SACS: variants seen among roughly 807,000 people sequenced by gnomAD.
SACS encodes sacsin.
SACS carries 197 observed loss-of-function variants against 348.0 expected under a neutral mutation model. The ratio of observed to expected loss-of-function variants is 0.57; its 90% CI spans 0.50 to 0.64. SACS has a LOEUF of 0.64. SACS is among the 30% of genes least tolerant of loss of function. SACS has a pLI of 0.00. For synonymous variants in SACS, 1,985 were observed against 1,910.6 expected, an observed-to-expected ratio of 1.04 and a Z score of -1.02; for missense variants, 4,999 against 5,360.8, an observed-to-expected ratio of 0.93 and a Z score of 2.11.
chr13:23,333,978 C>CA lies in SACS; in HGVS notation c.9897dup (p.Val3300CysfsTer19). 2 of 1,613,874 alleles carry CA rather than the reference C, an allele frequency of 1.2e-6. No homozygotes were observed. Among genetic ancestry groups the CA allele is most frequent in the Non-Finnish European group, 1.7e-6 (2 of 1,179,844 alleles). On this transcript the variant is annotated frameshift_variant, in exon 10 of 10. Coordinates refer to ENST00000382292, the MANE Select transcript of SACS (RefSeq NM_014363.6). LOFTEE classifies it high-confidence loss of function. ...TGCATAAGGCTGAGAGGAAGCAGAA[C>CA]ATCTCCTTCAGGAACCACAAGCTGG...
chr13:23,425,215 T>C (rs1386418431), intron 1 of SACS, among the ~76,000 whole-genome samples: 1 of 151,826 alleles, frequency 6.6e-6, no homozygotes, highest in African/African-American at 2.4e-5. Context: ...GGACTAGACA[T>C]CCACTTGGGG....
At position 23,409,297 on chromosome 13, in the gene SACS, C is replaced by T. The variant is rs539844432; in HGVS notation, c.20+1923G>A. Among the ~76,000 whole-genome samples the T allele has an allele frequency of 1.6e-4, 24 of 146,920 alleles. No homozygotes were observed. The South Asian group carries it at 2.6e-3, about 16-fold the overall frequency. On this transcript the variant is annotated intron_variant, in intron 2 of 9. Transcript: ENST00000382292. ...GTTTCGATCTCCTGACCTCATGATC[C>T]GCCCGCCTCGGCCTCCCAAAGTGCT...
intron 2 of SACS, among the ~76,000 whole-genome samples, chr13:23,402,103 G>A (rs1873001683): frequency 6.6e-6 from 1 of 151,892 alleles, no homozygotes; most frequent in Admixed American, 6.6e-5. Flanking sequence ...GCATGAACCT[G>A]GAAGGCGGAG....
At chr13:23,384,412 C>A (rs141535286) in intron 2 of SACS, among the ~76,000 whole-genome samples, 5 of 152,362 alleles carry the variant, frequency 3.3e-5, no homozygotes, top group Non-Finnish European at 7.3e-5. Context: ...ACATGTGTGG[C>A]TTGTCATGAC....
In SACS at chr13:23,333,557, T is replaced by C; in HGVS notation, c.10319A>G (p.Glu3440Gly). The C allele has an allele frequency of 6.2e-7, 1 of 1,613,682 alleles. No individual in the cohort carries two copies. Among genetic ancestry groups the C allele is most frequent in the Non-Finnish European group, 8.5e-7 (1 of 1,179,708 alleles). Reference sequence around the variant, plus strand: ...TGATGACTGTGTCCATTTCTCCACTTCAGCTGAAGGGATACTTTTTGTAAG... The same window carrying C: ...TGATGACTGTGTCCATTTCTCCACTCCAGCTGAAGGGATACTTTTTGTAAG... ...YVLTKSIPSA[E>G]VEKWTQSSSS... Residue 3440 changes from glutamate (E) to glycine (G), a missense_variant, in exon 10 of 10, where the codon GAA becomes GGA. Physicochemically the swap from Glu to Gly is moderately conservative, Grantham distance 98 (BLOSUM62 -2). Coordinates refer to ENST00000382292, the MANE Select transcript of SACS (RefSeq NM_014363.6).
intron 2 of SACS, among the ~76,000 whole-genome samples, chr13:23,381,616 CAGAT>C (rs1566094928): frequency 6.6e-6 from 1 of 152,156 alleles, no homozygotes; most frequent in Non-Finnish European, 1.5e-5. Context: ...GGTGCTGTCT[CAGAT>C]AGAATCCCTA....
intron 2 of SACS, among the ~76,000 whole-genome samples, chr13:23,410,487 T>C (rs1873434770): frequency 6.6e-6 from 1 of 152,050 alleles, no homozygotes; most frequent in South Asian, 2.1e-4. Context: ...GAAAGCCAAA[T>C]ATCAAGACGT....
intron 1 of SACS, among the ~76,000 whole-genome samples, chr13:23,415,788 T>G (rs997391238): frequency 6.6e-6 from 1 of 152,150 alleles, no homozygotes; most frequent in African/African-American, 2.4e-5. Flanking sequence ...GAGAATAACT[T>G]TAAAGATAAA....
Position 23,334,003 on chromosome 13 carries a change from GT to G in SACS, c.9872del (p.Asn3291ThrfsTer34), listed in dbSNP as rs1781881325. On this transcript the variant is annotated frameshift_variant, in exon 10 of 10. Transcript: ENST00000382292. LOFTEE classifies it high-confidence loss of function. Reference sequence around the variant, plus strand: ...CATCTCCTTCAGGAACCACAAGCTGGTTGGCTGAAACAGTAAACTTTGTTCC... The same window carrying G: ...CATCTCCTTCAGGAACCACAAGCTGGTGGCTGAAACAGTAAACTTTGTTCC... Reference protein sequence around the residue: ...LPGTKFTVSANQLVVPEGDVL... With the variant: ...LPGTKFTVSAXQLVVPEGDVL... 1 of 1,613,756 alleles carries G rather than the reference GT, an allele frequency of 6.2e-7. No individual in the cohort carries two copies. Among genetic ancestry groups the G allele is most frequent in the African/African-American group, 1.3e-5 (1 of 74,908 alleles).
intron 2 of SACS, among the ~76,000 whole-genome samples, chr13:23,396,221 G>A (rs1593171506): frequency 6.6e-6 from 1 of 151,914 alleles, no homozygotes; most frequent in Non-Finnish European, 1.5e-5. Flanking sequence ...CTACTTGGGA[G>A]GCCGAGGCAG....
chr13:23,397,326 C>A (rs957231728), intron 2 of SACS, among the ~76,000 whole-genome samples: 6 of 151,986 alleles, frequency 3.9e-5, no homozygotes, highest in Non-Finnish European at 5.9e-5. Flanking sequence ...GAGAAAGAAA[C>A]AAATATAGGA....
chr13:23,387,190 T>A (rs1356554826), intron 2 of SACS, among the ~76,000 whole-genome samples: 1 of 151,956 alleles, frequency 6.6e-6, no homozygotes, highest in African/African-American at 2.4e-5. Context: ...CCGGGCGCGG[T>A]GGCTCACGCC....
Position 23,429,946 on chromosome 13 carries a change from G to A in SACS, c.-502+3669C>T, listed in dbSNP as rs561495070. On this transcript the variant is annotated intron_variant, in intron 1 of 9. Transcript: ENST00000382292. ...TTAATATAATATTGGCTGGGCTCACGCCTGTAATCCCAGCACTTTGGGAGG... is the reference window on the plus strand; with the variant it reads ...TTAATATAATATTGGCTGGGCTCACACCTGTAATCCCAGCACTTTGGGAGG... 3.4e-3 allele frequency among the ~76,000 whole-genome samples: 517 copies of A among 152,072 alleles called. 1 individual carries two copies. The highest frequency in any genetic ancestry group is 5.4e-3 in the Non-Finnish European group (364 of 67,990).
At chr13:23,352,901 A>T (rs1566078079) in intron 9 of SACS, among the ~76,000 whole-genome samples, 1 of 152,202 alleles carries the variant, frequency 6.6e-6, no homozygotes, top group East Asian at 1.9e-4. Context: ...CATTTCACTT[A>T]TATTTTAATG....
At chr13:23,378,056 T>C (rs1481652503) in intron 2 of SACS, among the ~76,000 whole-genome samples, 1 of 152,236 alleles carries the variant, frequency 6.6e-6, no homozygotes, top group Non-Finnish European at 1.5e-5. Flanking sequence ...AATGAGGTCA[T>C]GTTTCTGAGT....
Position 23,403,054 on chromosome 13 carries a change from C to T in SACS, c.20+8166G>A, listed in dbSNP as rs953396977. 5.9e-5 allele frequency among the ~76,000 whole-genome samples: 9 copies of T among 151,918 alleles called. No individual in the cohort carries two copies. The East Asian group carries it at 1.4e-3, about 23-fold the overall frequency. ...TTAGCTGGGCGTGGTGGCAGATGCC[C>T]GTAATCCCAGCTACTCGGGAGGCTG... On this transcript the variant is annotated intron_variant, in intron 2 of 9. Transcript: ENST00000382292.
chr13:23,345,178 G>A (rs1028997637), intron 9 of SACS, among the ~76,000 whole-genome samples: 4 of 152,202 alleles, frequency 2.6e-5, no homozygotes, highest in Admixed American at 6.5e-5. Flanking sequence ...TAGCTGATGA[G>A]TTCTAACAAT....
intron 2 of SACS, among the ~76,000 whole-genome samples, chr13:23,387,036 A>G (rs1872316211): frequency 6.6e-6 from 1 of 152,210 alleles, no homozygotes; most frequent in African/African-American, 2.4e-5. Flanking sequence ...AATAACAATG[A>G]AAATGTTTAA....
rs771303381 is a variant in SACS at position 23,355,578 on chromosome 13, C to T, written c.1034G>A (p.Arg345Gln). The change falls in exon 8 of 10, where the codon CGG becomes CAG. Residue 345 changes from arginine to glutamine, a missense_variant. Around this residue, in one of 6 missense-constraint regions of SACS, gnomAD observed 3,156 missense variants for 3,380.1 expected, o/e 0.93. Coordinates refer to ENST00000382292, the MANE Select transcript of SACS (RefSeq NM_014363.6). ...TCCCAGAATCTTTATAGAATTCGGCCGCTCATGTTTCAGTGCCTTACTCTC... is the reference window on the plus strand; with the variant it reads ...TCCCAGAATCTTTATAGAATTCGGCTGCTCATGTTTCAGTGCCTTACTCTC... ...SSESKALKHE[R>Q]PNSIKILGTA... 1.9e-6 allele frequency: 3 copies of T among 1,613,902 alleles called. No homozygotes were observed. The highest frequency in any genetic ancestry group is 1.3e-5 in the African/African-American group (1 of 74,854).
Sources: allele counts gnomAD v4.1 joint callset (sites outside exome capture counted in the v4.1 genomes callset), GRCh38; gene constraint gnomAD v4.1.1; regional missense constraint gnomAD v4.1.1; transcripts MANE v1.5; gene names NCBI Gene and HGNC (gene_info 2026-07-23, HGNC 2026-07-21).